The following INPP4A variants were observed in gnomAD, a reference collection of about 807,000 sequenced individuals.
INPP4A encodes the protein inositol polyphosphate-4-phosphatase type I A.
Under a neutral mutation model 119.8 loss-of-function variants are expected in INPP4A, and 33 were observed. The observed-to-expected ratio is 0.28, with a 90% CI of 0.21 to 0.37. The LOEUF is 0.37. Ranked by LOEUF, INPP4A falls within the 10% of genes least tolerant of loss-of-function variation. INPP4A has a pLI of 1.00. For missense variants in INPP4A, 956 were observed against 1,289.9 expected (o/e 0.74, Z 3.97); for synonymous variants, 496 against 500.7 (o/e 0.99, Z 0.12).
intron 1 of INPP4A, among the ~76,000 whole-genome samples, chr2:98,497,594 A>T (rs967167251): frequency 3.0e-4 from 45 of 152,108 alleles, no homozygotes; most frequent in African/African-American, 1.1e-3. Context: ...TTTAAATTGG[A>T]TTATTTGTTT....
chr2:98,462,174 C>T (rs575183179), intron 1 of INPP4A, among the ~76,000 whole-genome samples: 4 of 152,360 alleles, frequency 2.6e-5, no homozygotes, highest in Non-Finnish European at 4.4e-5. Context: ...AGTGGCCAGG[C>T]GTGGTGGCTC....
rs112488393 is a variant in INPP4A at position 98,578,555 on chromosome 2, C to G, written c.2786+1412C>G. 5.7e-3 allele frequency among the ~76,000 whole-genome samples: 864 copies of G among 152,282 alleles called. 7 individuals are homozygous for G. The highest frequency in any genetic ancestry group is 0.02 in the African/African-American group (826 of 41,562). ...TCTGAACACAAAGACCTCAGGAGAC[C>G]AGTGACAAAGTGGCCCCCTGGAGAG... On this transcript the variant is annotated intron_variant, in intron 24 of 24. Transcript: ENST00000409851.
chr2:98,560,293 T>C (rs372994503), intron 17 of INPP4A, among the ~76,000 whole-genome samples: 8 of 152,338 alleles, frequency 5.3e-5, no homozygotes, highest in African/African-American at 1.9e-4. Flanking sequence ...TGGTTATAAA[T>C]GTAAGACAGC....
rs116669667 is a variant in INPP4A, at chr2:98,573,826, C to T, written c.2631+899C>T. ...GTGTTCAAGCCGGGCTTCATGAAGC[C>T]GCACTTTTTGAATGTGCTCCACTTC... On this transcript the variant is annotated intron_variant, in intron 23 of 24. Transcript: ENST00000409851. Among the ~76,000 whole-genome samples the T allele has an allele frequency of 1.6e-3, 238 of 152,300 alleles. 2 individuals are homozygous for T. The highest frequency in any genetic ancestry group is 1.8e-3 in the Non-Finnish European group (122 of 68,018).
At chr2:98,481,561 A>G (rs1323348711) in intron 1 of INPP4A, among the ~76,000 whole-genome samples, 7 of 152,192 alleles carry the variant, frequency 4.6e-5, no homozygotes, top group Non-Finnish European at 1.0e-4. Context: ...AGATATAAAG[A>G]TTCAGTGACA....
chr2:98,559,531 C>A, intron 17 of INPP4A, 36 bp downstream of exon 17: 1 of 1,603,358 alleles, frequency 6.2e-7, no homozygotes, highest in Non-Finnish European at 8.5e-7. Flanking sequence ...TGCTGATGCC[C>A]TTTTAATTGA....
At chr2:98,576,689 C>T (rs1005517898) in intron 23 of INPP4A, among the ~76,000 whole-genome samples, 20 of 152,292 alleles carry the variant, frequency 1.3e-4, no homozygotes, top group East Asian at 1.9e-4. Context: ...AAGGGGACAG[C>T]GGACTGCAAA....
At chr2:98,484,363 C>T (rs1679117995) in intron 1 of INPP4A, among the ~76,000 whole-genome samples, 1 of 152,196 alleles carries the variant, frequency 6.6e-6, no homozygotes, top group Admixed American at 6.5e-5. Context: ...CCCTGTCAGG[C>T]TCACTGTATC....
At position 98,555,783 on chromosome 2, in the gene INPP4A, T is replaced by C; in HGVS notation, c.1797T>C (p.Thr599=). The C allele has an allele frequency of 6.4e-7, 1 of 1,567,628 alleles. No individual in the cohort carries two copies. Residue 599 remains threonine, a synonymous_variant, in exon 16 of 25, where the codon ACT becomes ACC. Transcript: ENST00000409851. ...CATGCCCCTCCACCATGCCCTCCAC[T>C]GCATGCCATCCTCATCTGACCACAC... ...SSPCPSTMPS[T]ACHPHLTTHC...
In INPP4A at chr2:98,554,452, G is replaced by A. The variant is rs750621338; in HGVS notation, c.1529G>A (p.Arg510Gln). 11 of 1,613,824 alleles carry A rather than the reference G, an allele frequency of 6.8e-6. No individual in the cohort carries two copies. In the East Asian group the frequency reaches 8.9e-5, roughly 13 times the overall value. ...LMARWTGRNS[R>Q]SSLQVDWHEE... The stretch of plus-strand genomic sequence containing the variant: ...GCCCGGTGGACAGGGAGAAACAGCC[G>A]ATCTTCCCTGCAGGTGGACTGGCAC... Residue 510 changes from arginine to glutamine, a missense_variant, in exon 15 of 25, where the codon CGA becomes CAA. By Grantham distance (43) the Arg-to-Gln change is conservative. Transcript: ENST00000409851. The surrounding 1 kb of genome is among the most constrained non-coding windows in gnomAD (Gnocchi z 4.7).
intron 22 of INPP4A, 94 bp downstream of exon 22, chr2:98,568,762 A>C (rs1692469511): frequency 2.8e-6 from 2 of 715,268 alleles, no homozygotes; most frequent in Admixed American, 2.0e-5. Context: ...CTGTGAGTGC[A>C]TGCCTGTGCA....
intron 1 of INPP4A, among the ~76,000 whole-genome samples, chr2:98,446,988 C>G (rs1168937032): frequency 2.0e-5 from 3 of 152,144 alleles, no homozygotes; most frequent in Non-Finnish European, 2.9e-5. Flanking sequence ...AACCAGCTGC[C>G]TGCCTAAGAG....
chr2:98,529,536 C>G (rs143006361), intron 4 of INPP4A, among the ~76,000 whole-genome samples: 352 of 152,146 alleles, frequency 2.3e-3, no homozygotes, highest in Non-Finnish European at 3.2e-3. Flanking sequence ...GAGATCCAGA[C>G]CATCCTGGCT....
At chr2:98,552,634 C>G in intron 13 of INPP4A, 152 bp from the exon 14 acceptor site, 1 of 754,934 alleles carries the variant, frequency 1.3e-6, no homozygotes, top group East Asian at 2.5e-5. Context: ...CTAAGATATA[C>G]TTTGCTCATC....
intron 1 of INPP4A, among the ~76,000 whole-genome samples, chr2:98,494,795 A>G (rs1681596206): frequency 1.3e-5 from 2 of 152,244 alleles, no homozygotes; most frequent in South Asian, 4.1e-4. Context: ...ATTTAATTAG[A>G]TAAAATGTAG....
At chr2:98,457,150 G>A (rs1696267425) in intron 1 of INPP4A, among the ~76,000 whole-genome samples, 1 of 152,184 alleles carries the variant, frequency 6.6e-6, no homozygotes, top group Non-Finnish European at 1.5e-5. Context: ...TTGTCCCTGG[G>A]TATGTCCCAG....
Position 98,555,595 on chromosome 2 carries a change from A to G in INPP4A, c.1609A>G (p.Ile537Val), listed in dbSNP as rs369552937. The G allele has an allele frequency of 3.1e-6, 5 of 1,613,570 alleles. No homozygotes were observed. In the African/African-American group the frequency reaches 6.7e-5, roughly 22 times the overall value. Residue 537 changes from isoleucine (I) to valine (V), a missense_variant, in exon 16 of 25, where the codon ATT becomes GTT. Ile to Val is a conservative substitution (Grantham distance 29, BLOSUM62 3). Transcript: ENST00000409851. ...LNVDKSLECI[I>V]QRVDKLLQKE... is the part of the protein sequence containing the mutation. The stretch of plus-strand genomic sequence containing the variant: ...CGTGGACAAGAGCCTAGAGTGCATC[A>G]TTCAGCGTGTGGACAAGCTGCTGCA...
chr2:98,581,820 C>CGTGTACCTAACTGGACAGAAGGA, intron 24 of INPP4A: 1 of 1,546,724 alleles, frequency 6.5e-7, no homozygotes, highest in South Asian at 1.2e-5. Context: ...GTCCAGCCAC[C>CGTGTACCTAACTGGACAGAAGGA]GTGTACCTAA....
chr2:98,587,143 T>A (rs1002183633), intron 24 of INPP4A, among the ~76,000 whole-genome samples: 1 of 152,238 alleles, frequency 6.6e-6, no homozygotes, highest in African/African-American at 2.4e-5. Flanking sequence ...TGAGGGAATC[T>A]TTGAACCACA....
Sources: gnomAD v4.1 joint callset for allele counts (sites outside exome capture counted in the v4.1 genomes callset) on GRCh38, gnomAD v4.1.1 for gene constraint, Gnocchi (gnomAD v3.1) non-coding constraint, MANE v1.5 for transcripts, NCBI Gene and HGNC (gene_info 2026-07-23, HGNC 2026-07-21) for gene names.